CDH18: variants seen among roughly 807,000 people sequenced by gnomAD.
CDH18 encodes the protein cadherin 18, also known as cadherin-18.
In CDH18, 31 loss-of-function variants were observed where a neutral mutation model predicts 67.9. The observed-to-expected ratio is 0.46, with a 90% CI of 0.34 to 0.62. CDH18 has a LOEUF of 0.62. Among genes scored for constraint, CDH18 ranks in the 20% least tolerant of loss-of-function variants. The probability of loss-of-function intolerance (pLI) is 0.01; values close to 1 mark genes in which losing one functional copy is unlikely to be tolerated. For missense variants in CDH18, 890 were observed against 975.5 expected (o/e 0.91, Z 1.17); for synonymous variants, 362 against 347.2 (o/e 1.04, Z -0.48).
chr5:19,969,685 G>A (rs1797831953), intron 2 of CDH18, among the ~76,000 whole-genome samples: 1 of 147,098 alleles, frequency 6.8e-6, no homozygotes, highest in South Asian at 2.2e-4. Flanking sequence ...CACACTCTGG[G>A]GACTGTTGTG....
intron 1 of CDH18, among the ~76,000 whole-genome samples, chr5:20,316,293 T>A (rs1737453129): frequency 6.6e-6 from 1 of 152,060 alleles, no homozygotes; most frequent in Non-Finnish European, 1.5e-5. Context: ...GGAAAGTGAC[T>A]CTAAAAACCA....
At chr5:20,073,760 T>C (rs1316077483) in intron 2 of CDH18, among the ~76,000 whole-genome samples, 1 of 151,690 alleles carries the variant, frequency 6.6e-6, no homozygotes, top group Non-Finnish European at 1.5e-5. Flanking sequence ...AATAAGAAAA[T>C]TTTAAAAAGA....
chr5:20,550,874 T>C (rs55781303), intron 1 of CDH18, among the ~76,000 whole-genome samples: 24,817 of 152,164 alleles, frequency 0.16, 2,696 homozygotes, highest in Non-Finnish European at 0.24. Flanking sequence ...CTTCCAATCA[T>C]GGCAGAAGTC....
intron 2 of CDH18, among the ~76,000 whole-genome samples, chr5:19,929,825 T>A (rs963619246): frequency 6.6e-6 from 1 of 152,252 alleles, no homozygotes; most frequent in Admixed American, 6.6e-5. Context: ...TATTTATATA[T>A]GTTGAACTTT....
At chr5:19,686,240 A>G (rs181769974) in intron 5 of CDH18, among the ~76,000 whole-genome samples, 2 of 152,184 alleles carry the variant, frequency 1.3e-5, no homozygotes, top group African/African-American at 4.8e-5. Context: ...ATGACACTAA[A>G]AAACTTTGTA....
intron 4 of CDH18, among the ~76,000 whole-genome samples, chr5:19,723,249 A>G (rs1766349389): frequency 6.6e-6 from 1 of 152,110 alleles, no homozygotes; most frequent in African/African-American, 2.4e-5. Flanking sequence ...AGCCTGGGCA[A>G]CAAGAGCGAA....
At chr5:19,672,739 G>A (rs1276613973) in intron 5 of CDH18, among the ~76,000 whole-genome samples, 2 of 151,968 alleles carry the variant, frequency 1.3e-5, no homozygotes, top group Non-Finnish European at 2.9e-5. Context: ...ATCTGTCAGG[G>A]AGAGGAGAAG....
chr5:20,375,479 T>G (rs1034175306), intron 1 of CDH18, among the ~76,000 whole-genome samples: 2 of 152,170 alleles, frequency 1.3e-5, no homozygotes, highest in Non-Finnish European at 2.9e-5. Flanking sequence ...GGGAAGTTTG[T>G]GACACTATAG....
At chr5:20,511,763 C>T (rs920732007) in intron 1 of CDH18, among the ~76,000 whole-genome samples, 4 of 152,046 alleles carry the variant, frequency 2.6e-5, no homozygotes, top group South Asian at 2.1e-4. Context: ...GACTTGAAGT[C>T]GATACATTTA....
intron 1 of CDH18, among the ~76,000 whole-genome samples, chr5:20,399,084 A>G (rs1450535175): frequency 6.6e-6 from 1 of 152,208 alleles, no homozygotes. Flanking sequence ...GAAATGAACC[A>G]TGGAAAGTCT....
intron 5 of CDH18, among the ~76,000 whole-genome samples, chr5:19,641,786 T>C (rs2150227241): frequency 6.6e-6 from 1 of 152,132 alleles, no homozygotes; most frequent in African/African-American, 2.4e-5. Context: ...CCACTCTCAT[T>C]ATTTCTTTTC....
chr5:20,294,437 T>C (rs1747334159), intron 1 of CDH18, among the ~76,000 whole-genome samples: 1 of 152,196 alleles, frequency 6.6e-6, no homozygotes, highest in Non-Finnish European at 1.5e-5. Flanking sequence ...TTCATTTGAT[T>C]TCCCCTCAAA....
At position 19,764,640 on chromosome 5, in the gene CDH18, T is replaced by C. The variant is rs1198719943; in HGVS notation, c.229-17404A>G. ...CTATTTCTTCATATATATATATATATATATATATACACACACACATACACA... is the reference window on the plus strand; with the variant it reads ...CTATTTCTTCATATATATATATATACATATATATACACACACACATACACA... On this transcript the variant is annotated intron_variant, in intron 3 of 12. Coordinates refer to ENST00000382275, the MANE Select transcript of CDH18 (RefSeq NM_004934.5). 8.6e-5 allele frequency among the ~76,000 whole-genome samples: 13 copies of C among 150,962 alleles called. 1 individual carries two copies. The highest frequency in any genetic ancestry group is 1.8e-4 in the Non-Finnish European group (12 of 67,856).
At chr5:19,559,161 C>T (rs1281289571) in intron 8 of CDH18, among the ~76,000 whole-genome samples, 1 of 152,052 alleles carries the variant, frequency 6.6e-6, no homozygotes, top group African/African-American at 2.4e-5. Flanking sequence ...TTTCATTTAT[C>T]TATTGTACTG....
At chr5:20,335,395 A>G (rs114488802) in intron 1 of CDH18, among the ~76,000 whole-genome samples, 3,260 of 151,754 alleles carry the variant, frequency 0.021, 79 homozygotes, top group African/African-American at 0.056. Flanking sequence ...TATTATTATT[A>G]TTGTATTGTT....
intron 1 of CDH18, among the ~76,000 whole-genome samples, chr5:20,422,210 T>C (rs1220736053): frequency 1.4e-5 from 2 of 141,816 alleles, no homozygotes; most frequent in Non-Finnish European, 2.9e-5. Context: ...AATAGCCTTT[T>C]AACTTTTTTG....
intron 5 of CDH18, among the ~76,000 whole-genome samples, chr5:19,696,624 G>C (rs991201444): frequency 7.2e-5 from 11 of 151,748 alleles, no homozygotes; most frequent in Non-Finnish European, 1.2e-4. Context: ...TTGATCTCCT[G>C]ACCTCGTGAT....
chr5:19,972,708 ATTTGTC>A (rs1191816444), intron 2 of CDH18, among the ~76,000 whole-genome samples: 1 of 151,986 alleles, frequency 6.6e-6, no homozygotes, highest in African/African-American at 2.4e-5. Flanking sequence ...TTGGAATATG[ATTTGTC>A]TTTATCTATT....
At chr5:19,739,463 G>A (rs1369697257) in intron 4 of CDH18, among the ~76,000 whole-genome samples, 1 of 152,114 alleles carries the variant, frequency 6.6e-6, no homozygotes. Flanking sequence ...AGGCACCTGC[G>A]CTGTTCGAGC....
Sources: allele counts gnomAD v4.1 joint callset (sites outside exome capture counted in the v4.1 genomes callset), GRCh38; gene constraint gnomAD v4.1.1; transcripts MANE v1.5; gene names NCBI Gene and HGNC (gene_info 2026-07-23, HGNC 2026-07-21).